Variants in SLC1A4 observed in about 807,000 individuals in gnomAD.
SLC1A4 encodes neutral amino acid transporter A.
A neutral mutation model predicts 37.7 loss-of-function variants in SLC1A4; 19 were observed. The observed-to-expected ratio is 0.50, with a 90% CI of 0.35 to 0.74. SLC1A4 has a LOEUF of 0.74. Ranked by LOEUF, SLC1A4 falls within the 30% of genes least tolerant of loss-of-function variation. SLC1A4 has a pLI of 0.01. For missense variants in SLC1A4, 570 were observed against 712.9 expected, an observed-to-expected ratio of 0.80 and a Z score of 2.28; for synonymous variants, 299 against 309.8, an observed-to-expected ratio of 0.97 and a Z score of 0.37.
In SLC1A4 at chr2:65,021,220, A is replaced by G; in HGVS notation, c.*74A>G. On this transcript the variant is annotated 3_prime_UTR_variant, in exon 8 of 8. Transcript: ENST00000234256. ...TCACCCAGCCGCCAGTCATGGACAC[A>G]GGGCACTGCCCTTGCCAACTTTTAC... 7.9e-7 allele frequency: 1 copy of G among 1,259,806 alleles called. No homozygotes were observed. The highest frequency in any genetic ancestry group is 1.1e-6 in the Non-Finnish European group (1 of 880,078). 78.0% of individuals were successfully genotyped at this position (1,259,806 alleles called of 1,614,324 possible). A position where few individuals can be genotyped will look rare whatever the true frequency, so the allele number is the denominator to read the frequency against.
In SLC1A4 at chr2:65,018,780, C is replaced by T. The variant is rs968440038; in HGVS notation, c.1364+101C>T. The T allele has an allele frequency of 4.3e-5, 60 of 1,389,226 alleles. No homozygotes were observed. The highest frequency in any genetic ancestry group is 5.6e-5 in the Non-Finnish European group (57 of 1,012,914). The allele number at this position is 1,389,226 out of a possible 1,614,324, so 86.1% of individuals were successfully genotyped here. ...GCCATGCAGAGAAACTTCAGACACACTCCAGCCTTGTGAAGGAGGCTACAG... is the reference window on the plus strand; with the variant it reads ...GCCATGCAGAGAAACTTCAGACACATTCCAGCCTTGTGAAGGAGGCTACAG... On this transcript the variant is annotated intron_variant, in intron 7 of 7. Transcript: ENST00000234256. This position sits in a 1 kb window ranked among gnomAD's most constrained non-coding sequence, Gnocchi z 4.3.
At chr2:65,003,526 A>G (rs1363358583) in intron 2 of SLC1A4, among the ~76,000 whole-genome samples, 3 of 152,246 alleles carry the variant, frequency 2.0e-5, no homozygotes, top group African/African-American at 7.2e-5. Context: ...TCTAGAACAA[A>G]GTGGGGCATA....
chr2:65,007,424 G>T (rs1308883608), intron 3 of SLC1A4, among the ~76,000 whole-genome samples: 1 of 152,094 alleles, frequency 6.6e-6, no homozygotes, highest in South Asian at 2.1e-4. Context: ...CAGGGAGACT[G>T]GCCAGGATGC....
intron 5 of SLC1A4, 132 bp from the exon 6 acceptor site, chr2:65,017,939 C>T: frequency 1.4e-6 from 1 of 708,634 alleles, no homozygotes; most frequent in Non-Finnish European, 2.3e-6. Context: ...TCTGTTTTTT[C>T]CCTTATTTCA....
chr2:64,999,812 A>G (rs1408881118), intron 1 of SLC1A4: 2 of 151,882 alleles, frequency 1.3e-5, no homozygotes, highest in African/African-American at 4.8e-5. Flanking sequence ...GCAGAAGACA[A>G]TAAGAAGAGT....
intron 5 of SLC1A4, among the ~76,000 whole-genome samples, chr2:65,017,508 A>AG (rs1468370283): frequency 6.6e-6 from 1 of 152,120 alleles, no homozygotes; most frequent in Non-Finnish European, 1.5e-5. Flanking sequence ...AAAAAAAAAA[A>AG]AAATTAGGGA....
At chr2:65,011,459 G>C (rs1673914865) in intron 4 of SLC1A4, 1 of 151,314 alleles carries the variant, frequency 6.6e-6, no homozygotes, top group African/African-American at 2.4e-5. Flanking sequence ...GTAGAGACGG[G>C]GTTTCACCAT....
intron 3 of SLC1A4, among the ~76,000 whole-genome samples, chr2:65,008,231 G>C (rs1047839150): frequency 2.0e-5 from 3 of 152,176 alleles, no homozygotes; most frequent in Admixed American, 6.5e-5. Context: ...AATCCTAGTA[G>C]GCCAGTAGCA....
intron 1 of SLC1A4, among the ~76,000 whole-genome samples, chr2:64,991,735 G>A (rs1438060174): frequency 2.6e-5 from 4 of 152,162 alleles, no homozygotes. Context: ...CGAGTAGCTG[G>A]GATTACAGGC....
intron 3 of SLC1A4, among the ~76,000 whole-genome samples, chr2:65,005,187 T>A (rs930004991): frequency 1.3e-5 from 2 of 152,222 alleles, no homozygotes; most frequent in Non-Finnish European, 2.9e-5. Flanking sequence ...TCTGATAGGA[T>A]GCTCTGAGGC....
At chr2:65,016,257 C>T (rs1416926597) in intron 4 of SLC1A4, among the ~76,000 whole-genome samples, 183 bp from the exon 5 acceptor site, 1 of 152,190 alleles carries the variant, frequency 6.6e-6, no homozygotes, top group Non-Finnish European at 1.5e-5. Flanking sequence ...CCTCATTTTA[C>T]CCAGTCTCAC....
intron 4 of SLC1A4, among the ~76,000 whole-genome samples, chr2:65,012,884 A>C (rs1246359272): frequency 6.6e-6 from 1 of 152,236 alleles, no homozygotes; most frequent in African/African-American, 2.4e-5. Flanking sequence ...ACAAAATATA[A>C]ACAATTAAAT....
chr2:65,021,052 C>G lies in SLC1A4; in HGVS notation c.1505C>G (p.Ser502Cys), dbSNP rs773004760. Residue 502 changes from serine to cysteine, a missense_variant, in exon 8 of 8, where the codon TCT (serine) becomes TGT (cysteine). By Grantham distance (112) the Ser-to-Cys change is moderately radical (BLOSUM62 -1). Coordinates refer to ENST00000234256, the MANE Select transcript of SLC1A4 (RefSeq NM_003038.5). ...VKVEAIPNCK[S>C]EEETSPLVTH... The stretch of plus-strand genomic sequence containing the variant: ...GTGGAAGCCATCCCCAACTGCAAGT[C>G]TGAGGAGGAGACATCGCCCCTGGTG... 7 of 1,614,112 alleles carry G rather than the reference C, an allele frequency of 4.3e-6. No individual in the cohort carries two copies. The highest frequency in any genetic ancestry group is 5.9e-6 in the Non-Finnish European group (7 of 1,180,038).
At chr2:64,991,340 A>T (rs1673043221) in intron 1 of SLC1A4, among the ~76,000 whole-genome samples, 1 of 152,178 alleles carries the variant, frequency 6.6e-6, no homozygotes, top group South Asian at 2.1e-4. Flanking sequence ...AACAAAAAAA[A>T]ACCACTCATG....
intron 5 of SLC1A4, among the ~76,000 whole-genome samples, 188 bp downstream of exon 5, chr2:65,016,861 G>A (rs555592141): frequency 5.3e-5 from 8 of 152,256 alleles, no homozygotes; most frequent in Non-Finnish European, 4.4e-5. Flanking sequence ...GCCCAGGCTG[G>A]TCTCGAACTC....
intron 5 of SLC1A4, 140 bp from the exon 6 acceptor site, chr2:65,017,931 T>C: frequency 1.5e-6 from 1 of 670,040 alleles, no homozygotes; most frequent in South Asian, 2.2e-5. Flanking sequence ...AAAGTGATTC[T>C]GTTTTTTCCC....
At chr2:64,989,350 C>T (rs7608786), upstream of SLC1A4, 13 of 285,848 alleles carry the variant, frequency 4.5e-5, no homozygotes, top group Non-Finnish European at 3.2e-5. Flanking sequence ...CGCTGGCGCG[C>T]CCTCCTACTT....
At chr2:64,995,018 A>G (rs979822672) in intron 1 of SLC1A4, among the ~76,000 whole-genome samples, 4 of 152,206 alleles carry the variant, frequency 2.6e-5, no homozygotes, top group Non-Finnish European at 4.4e-5. Flanking sequence ...CAAGGATCCA[A>G]ATTAATGGCA....
intron 5 of SLC1A4, among the ~76,000 whole-genome samples, chr2:65,017,098 G>C (rs773519938): frequency 2.0e-5 from 3 of 152,156 alleles, no homozygotes; most frequent in Non-Finnish European, 4.4e-5. Flanking sequence ...CCCAGCTGCG[G>C]GTCCCTCACC....
Sources: allele counts gnomAD v4.1 joint callset (sites outside exome capture counted in the v4.1 genomes callset), GRCh38; gene constraint gnomAD v4.1.1; non-coding constraint Gnocchi (gnomAD v3.1); transcripts MANE v1.5; gene names NCBI Gene and HGNC (gene_info 2026-07-23, HGNC 2026-07-21).